Variants in ZNF438 observed in about 807,000 individuals in gnomAD.
The protein encoded by ZNF438 is zinc finger protein 438.
Under a neutral mutation model 38.0 loss-of-function variants are expected in ZNF438, and 25 were observed. The observed-to-expected ratio is 0.66, with a 90% CI of 0.48 to 0.92. ZNF438 has a LOEUF of 0.92. Ranked by LOEUF, ZNF438 falls within the 40% of genes least tolerant of loss-of-function variation. The probability of loss-of-function intolerance (pLI) is 0.00; values close to 1 mark genes in which losing one functional copy is unlikely to be tolerated. For missense variants in ZNF438, 1,007 were observed against 999.6 expected (o/e 1.01, Z -0.10); for synonymous variants, 372 against 364.1 (o/e 1.02, Z -0.25).
chr10:31,005,768 ATAGGT>A (rs1247631443), intron 1 of ZNF438, among the ~76,000 whole-genome samples: 2 of 152,222 alleles, frequency 1.3e-5, no homozygotes, highest in African/African-American at 4.8e-5. Flanking sequence ...CAATAAAAAA[ATAGGT>A]ATTTACTATT....
intron 1 of ZNF438, among the ~76,000 whole-genome samples, chr10:30,975,182 C>T (rs1490466236): frequency 6.6e-6 from 1 of 152,094 alleles, no homozygotes; most frequent in East Asian, 1.9e-4. Flanking sequence ...CCACTGTTTC[C>T]AAGACAAGAC....
At chr10:30,992,898 G>T (rs568815522) in intron 1 of ZNF438, among the ~76,000 whole-genome samples, 1 of 152,350 alleles carries the variant, frequency 6.6e-6, no homozygotes, top group African/African-American at 2.4e-5. Flanking sequence ...TGCCCTAGGG[G>T]TTTGTGGAAT....
chr10:30,888,657 A>G (rs1432249565), intron 3 of ZNF438, among the ~76,000 whole-genome samples: 1 of 152,194 alleles, frequency 6.6e-6, no homozygotes, highest in Non-Finnish European at 1.5e-5. Context: ...TAGTTTGCTA[A>G]GGATGATGGC....
At chr10:30,990,512 C>T (rs1468712540) in intron 1 of ZNF438, among the ~76,000 whole-genome samples, 1 of 152,174 alleles carries the variant, frequency 6.6e-6, no homozygotes, top group Non-Finnish European at 1.5e-5. Context: ...AAGGTTTGGG[C>T]ATAGGACCCA....
At chr10:30,928,954 G>A (rs2045295870) in intron 2 of ZNF438, among the ~76,000 whole-genome samples, 1 of 152,092 alleles carries the variant, frequency 6.6e-6, no homozygotes, top group Non-Finnish European at 1.5e-5. Context: ...CTTTGGTTTT[G>A]CCCTTCTGGT....
intron 1 of ZNF438, among the ~76,000 whole-genome samples, chr10:30,944,596 C>A (rs3006574): frequency 6.6e-6 from 1 of 152,004 alleles, no homozygotes; most frequent in African/African-American, 2.4e-5. Flanking sequence ...GTTCAGTTGA[C>A]GAATGCCACT....
intron 1 of ZNF438, among the ~76,000 whole-genome samples, chr10:30,959,673 G>A (rs1354436168): frequency 6.9e-6 from 1 of 145,378 alleles, no homozygotes; most frequent in Non-Finnish European, 1.6e-5. Flanking sequence ...GCGTGAACCC[G>A]GGAGGCGGAG....
At chr10:30,932,233 CTT>C (rs947781531) in intron 2 of ZNF438, among the ~76,000 whole-genome samples, 45 of 152,178 alleles carry the variant, frequency 3.0e-4, no homozygotes, top group Admixed American at 9.2e-4. Flanking sequence ...TAAAAAAAAA[CTT>C]ATTAAAATTC....
chr10:30,869,492 T>A (rs1404175408), intron 4 of ZNF438, among the ~76,000 whole-genome samples: 2 of 152,246 alleles, frequency 1.3e-5, no homozygotes, highest in African/African-American at 2.4e-5. Context: ...ATATTTTATT[T>A]CAACTTCCAT....
chr10:30,961,892 G>GAAAAAAAA (rs947031672), intron 1 of ZNF438, among the ~76,000 whole-genome samples: 7,799 of 66,562 alleles, frequency 0.12, 743 homozygotes, highest in Non-Finnish European at 0.17. Context: ...CATCCCAAAA[G>GAAAAAAAA]AAAAAAAAAA....
chr10:30,972,224 C>T (rs1473283131), intron 1 of ZNF438, among the ~76,000 whole-genome samples: 1 of 152,214 alleles, frequency 6.6e-6, no homozygotes, highest in African/African-American at 2.4e-5. Flanking sequence ...CTGCCTCGGC[C>T]TCCCAAAGTG....
intron 1 of ZNF438, among the ~76,000 whole-genome samples, chr10:30,947,916 G>A (rs922374682): frequency 1.3e-5 from 2 of 152,170 alleles, no homozygotes; most frequent in African/African-American, 4.8e-5. Flanking sequence ...CCACTGTCTG[G>A]CACTCCCTAG....
chr10:30,966,004 G>C (rs2050076106), intron 1 of ZNF438, among the ~76,000 whole-genome samples: 2 of 151,964 alleles, frequency 1.3e-5, no homozygotes, highest in Non-Finnish European at 2.9e-5. Flanking sequence ...AAAAAAAATA[G>C]AATCTACAAA....
intron 2 of ZNF438, among the ~76,000 whole-genome samples, chr10:30,927,135 G>A (rs2045040002): frequency 6.6e-6 from 1 of 152,082 alleles, no homozygotes; most frequent in South Asian, 2.1e-4. Flanking sequence ...AGCCAAGGCT[G>A]CCTTGCCAGC....
At chr10:30,865,339 G>A (rs2036259098) in intron 4 of ZNF438, among the ~76,000 whole-genome samples, 1 of 152,076 alleles carries the variant, frequency 6.6e-6, no homozygotes, top group Non-Finnish European at 1.5e-5. Flanking sequence ...CAGAACTTCT[G>A]GTGACCAAAT....
At chr10:30,925,531 C>A (rs190947435) in intron 2 of ZNF438, among the ~76,000 whole-genome samples, 1 of 152,270 alleles carries the variant, frequency 6.6e-6, no homozygotes, top group African/African-American at 2.4e-5. Context: ...TAAAAGTTAT[C>A]GCATTAACCT....
At chr10:30,950,470 T>A (rs1161747488) in intron 1 of ZNF438, among the ~76,000 whole-genome samples, 3 of 150,430 alleles carry the variant, frequency 2.0e-5, no homozygotes, top group African/African-American at 7.3e-5. Flanking sequence ...GCTGGTTTTT[T>A]GAAAGGATCA....
At chr10:31,000,963 A>G (rs2054593981) in intron 1 of ZNF438, among the ~76,000 whole-genome samples, 1 of 152,100 alleles carries the variant, frequency 6.6e-6, no homozygotes, top group Non-Finnish European at 1.5e-5. Context: ...CATCTTGCAA[A>G]AATCTTGCCC....
At chr10:31,024,905 C>T (rs1207680814) in intron 1 of ZNF438, among the ~76,000 whole-genome samples, 1 of 152,080 alleles carries the variant, frequency 6.6e-6, no homozygotes, top group Non-Finnish European at 1.5e-5. Context: ...CTGTTACAAT[C>T]CAGGATTATA....
Sources: gnomAD v4.1 joint callset for allele counts (sites outside exome capture counted in the v4.1 genomes callset) on GRCh38, gnomAD v4.1.1 for gene constraint, MANE v1.5 for transcripts, NCBI Gene and HGNC (gene_info 2026-07-23, HGNC 2026-07-21) for gene names.